C19orf12: variants seen among roughly 807,000 people sequenced by gnomAD.
C19orf12 encodes the protein chromosome 19 open reading frame 12.
A neutral mutation model predicts 3.8 loss-of-function variants in C19orf12; 2 were observed. The observed-to-expected ratio is 0.53, with a 90% CI of 0.22 to 1.66. C19orf12 has a LOEUF of 1.66. Ranked by LOEUF, C19orf12 falls within the 40% of genes most tolerant of loss-of-function variation. C19orf12 has a pLI of 0.20. For synonymous variants in C19orf12, 89 were observed against 84.6 expected, an observed-to-expected ratio of 1.05 and a Z score of -0.28; for missense variants, 156 against 188.8, an observed-to-expected ratio of 0.83 and a Z score of 1.02.
chr19:29,704,250 A>G (rs930290132), intron 2 of C19orf12, among the ~76,000 whole-genome samples: 5 of 152,090 alleles, frequency 3.3e-5, no homozygotes, highest in African/African-American at 1.2e-4. Context: ...TGGGCGAATC[A>G]CGAGGTCAGG....
At chr19:29,710,864 C>T (rs1972628635) in intron 1 of C19orf12, among the ~76,000 whole-genome samples, 1 of 152,082 alleles carries the variant, frequency 6.6e-6, no homozygotes. Flanking sequence ...TGTTTACATA[C>T]AAATGTCTAA....
intron 2 of C19orf12, chr19:29,705,429 A>G (rs1159990069): frequency 3.1e-6 from 1 of 318,080 alleles, no homozygotes; most frequent in Non-Finnish European, 6.2e-6. Context: ...AAAAAAGGCC[A>G]TTAATGCAGA....
chr19:29,715,279 C>T (rs1020515170), upstream of C19orf12: 9 of 402,666 alleles, frequency 2.2e-5, no homozygotes, highest in African/African-American at 1.5e-4. Flanking sequence ...CCCTCCGTCC[C>T]ACCTTCCGGC....
At chr19:29,708,961 G>C (rs1972523090) in intron 1 of C19orf12, among the ~76,000 whole-genome samples, 1 of 152,226 alleles carries the variant, frequency 6.6e-6, no homozygotes, top group Non-Finnish European at 1.5e-5. Context: ...AGTCCCTACA[G>C]GCTGGACTCT....
Position 29,701,539 on chromosome 19 carries a change from T to C in C19orf12, c.*1173A>G, listed in dbSNP as rs1365763803. 2 of 454,138 alleles carry C rather than the reference T, an allele frequency of 4.4e-6. No homozygotes were observed. Among genetic ancestry groups the C allele is most frequent in the South Asian group, 3.1e-5 (2 of 64,480 alleles). The allele number at this position is 454,138 out of a possible 1,614,324, so 28.1% of individuals were successfully genotyped here. On this transcript the variant is annotated 3_prime_UTR_variant, in exon 3 of 3. Transcript: ENST00000323670. ...TCAAATATTTCCTATCCAAGGCTGG[T>C]TGGATCTAAATGTGGAGACCACAGT... is the stretch of plus-strand genomic sequence containing the variant.
Position 29,699,852 on chromosome 19 carries a change from G to C in C19orf12, c.*2860C>G. The C allele has an allele frequency of 2.2e-6, 1 of 452,718 alleles. No homozygotes were observed. The highest frequency in any genetic ancestry group is 1.6e-5 in the South Asian group (1 of 64,104). The allele number at this position is 452,718 out of a possible 1,614,324, so 28.0% of individuals were successfully genotyped here. On this transcript the variant is annotated 3_prime_UTR_variant, in exon 3 of 3. Transcript: ENST00000323670. ...AAAATAAATAAATTTCTACAAAGAAGATACAGATATATAAATACTAAAACC... is the reference window on the plus strand; with the variant it reads ...AAAATAAATAAATTTCTACAAAGAACATACAGATATATAAATACTAAAACC...
At chr19:29,712,363 A>G (rs71365954) in intron 1 of C19orf12, among the ~76,000 whole-genome samples, 18,811 of 151,826 alleles carry the variant, frequency 0.12, 1,660 homozygotes, top group East Asian at 0.36. Context: ...CTGAGATCAC[A>G]CCACTGCACT....
At chr19:29,711,814 T>C (rs1380410217) in intron 1 of C19orf12, among the ~76,000 whole-genome samples, 2 of 152,060 alleles carry the variant, frequency 1.3e-5, no homozygotes, top group African/African-American at 4.8e-5. Flanking sequence ...CCGAATGACT[T>C]GAGGTGAAAA....
intron 1 of C19orf12, among the ~76,000 whole-genome samples, chr19:29,714,367 G>T (rs891648822): frequency 6.6e-6 from 1 of 151,956 alleles, no homozygotes; most frequent in East Asian, 1.9e-4. Context: ...TGGTGGTGTC[G>T]CCTGTAATCC....
intron 2 of C19orf12, among the ~76,000 whole-genome samples, chr19:29,706,602 T>C (rs1972389765): frequency 6.6e-6 from 1 of 152,116 alleles, no homozygotes; most frequent in Non-Finnish European, 1.5e-5. Context: ...AGATGCACAG[T>C]GTCATCGAGG....
rs1972063281 is a variant in C19orf12 at position 29,701,183 on chromosome 19, G to A, written c.*1529C>T. On this transcript the variant is annotated 3_prime_UTR_variant, in exon 3 of 3. Transcript: ENST00000323670. ...ATGGCTTTTTAGAAAAACATTTATTGTAATCGATCACATTCAAGTCGTAGT... is the reference window on the plus strand; with the variant it reads ...ATGGCTTTTTAGAAAAACATTTATTATAATCGATCACATTCAAGTCGTAGT... The A allele has an allele frequency of 4.4e-6, 2 of 453,952 alleles. No homozygotes were observed. Among genetic ancestry groups the A allele is most frequent in the African/African-American group, 2.0e-5 (1 of 49,964 alleles). 28.1% of individuals were successfully genotyped at this position (453,952 alleles called of 1,614,324 possible). A position where few individuals can be genotyped will look rare whatever the true frequency, so the allele number is the denominator to read the frequency against.
In C19orf12 at chr19:29,715,128, G is replaced by A; in HGVS notation, c.-14C>T. On this transcript the variant is annotated 5_prime_UTR_variant, in exon 1 of 3. Transcript: ENST00000323670. ...CCGGCTCCGGGCGCTCCTTTACCTGGGGGAGCGGAGGTCTACGCGGCGCGC... is the reference window on the plus strand; with the variant it reads ...CCGGCTCCGGGCGCTCCTTTACCTGAGGGAGCGGAGGTCTACGCGGCGCGC... 1 of 598,002 alleles carries A rather than the reference G, an allele frequency of 1.7e-6. No homozygotes were observed. Among genetic ancestry groups the A allele is most frequent in the Admixed American group, 2.9e-5 (1 of 34,602 alleles). 37.0% of individuals were successfully genotyped at this position (598,002 alleles called of 1,614,324 possible).
At position 29,699,482 on chromosome 19, in the gene C19orf12, CA is replaced by C. The variant is rs60814860; in HGVS notation, c.*3229del. On this transcript the variant is annotated 3_prime_UTR_variant, in exon 3 of 3. Transcript: ENST00000323670. Reference sequence around the variant, plus strand: ...CGGGCGACAGTGCGAGACTCCATCTCAAAAAAAAAAAAAAGAAAAAAAGAAA... The same window carrying C: ...CGGGCGACAGTGCGAGACTCCATCTCAAAAAAAAAAAAAGAAAAAAAGAAA... 0.025 allele frequency: 9,370 copies of C among 376,510 alleles called. 58 individuals are homozygous for C. The highest frequency in any genetic ancestry group is 0.13 in the East Asian group (1,599 of 12,394). The allele number at this position is 376,510 out of a possible 1,614,324, so 23.3% of individuals were successfully genotyped here. A position where few individuals can be genotyped will look rare whatever the true frequency, so the allele number is the denominator to read the frequency against.
chr19:29,712,325 G>C (rs1323109226), intron 1 of C19orf12, among the ~76,000 whole-genome samples: 28 of 152,050 alleles, frequency 1.8e-4, no homozygotes, highest in Admixed American at 1.8e-3. Flanking sequence ...AGAACCACTT[G>C]AACCCGGGAG....
chr19:29,709,225 G>C (rs1972540081), intron 1 of C19orf12, among the ~76,000 whole-genome samples: 1 of 152,226 alleles, frequency 6.6e-6, no homozygotes, highest in South Asian at 2.1e-4. Flanking sequence ...TATATGAATA[G>C]ACAGACGGAC....
rs1972051353 is a variant in C19orf12, at chr19:29,700,930, A to AT, written c.*1781dup. ...CAGGACCTGGGGACCAAGGAATAAC[A>AT]TTTTTTGTAGAGATGGAGGTCTCAC... On this transcript the variant is annotated 3_prime_UTR_variant, in exon 3 of 3. Coordinates refer to ENST00000323670, the MANE Select transcript of C19orf12 (RefSeq NM_031448.6). 2.2e-6 allele frequency: 1 copy of AT among 453,954 alleles called. No individual in the cohort carries two copies. The highest frequency in any genetic ancestry group is 4.4e-6 in the Non-Finnish European group (1 of 226,686). 28.1% of individuals were successfully genotyped at this position (453,954 alleles called of 1,614,324 possible).
At chr19:29,707,649 G>A (rs1368436385) in intron 2 of C19orf12, among the ~76,000 whole-genome samples, 2 of 152,132 alleles carry the variant, frequency 1.3e-5, no homozygotes, top group South Asian at 4.1e-4. Flanking sequence ...CAGCACTGGG[G>A]GAAAGATGCC....
intron 1 of C19orf12, among the ~76,000 whole-genome samples, chr19:29,713,957 TC>T (rs1972816914): frequency 4.6e-5 from 7 of 150,584 alleles, no homozygotes; most frequent in African/African-American, 1.5e-4. Context: ...TTTCTTTCTT[TC>T]CTTCCTTCCT....
At position 29,700,983 on chromosome 19, in the gene C19orf12, T is replaced by C. The variant is rs1405152215; in HGVS notation, c.*1729A>G. On this transcript the variant is annotated 3_prime_UTR_variant, in exon 3 of 3. Transcript: ENST00000323670. ...TATTGCCCAGGCTAGTTTCAAACTC[T>C]TGGCCTCAAGCGATCCTCCCACTTT... 2.2e-6 allele frequency: 1 copy of C among 454,098 alleles called. No individual in the cohort carries two copies. The highest frequency in any genetic ancestry group is 2.3e-5 in the Admixed American group (1 of 42,576). 28.1% of individuals were successfully genotyped at this position (454,098 alleles called of 1,614,324 possible).
Sources: allele counts gnomAD v4.1 joint callset (sites outside exome capture counted in the v4.1 genomes callset), GRCh38; gene constraint gnomAD v4.1.1; transcripts MANE v1.5; gene names NCBI Gene and HGNC (gene_info 2026-07-23, HGNC 2026-07-21).